PDE1C: variants seen among roughly 807,000 people sequenced by gnomAD.
PDE1C encodes phosphodiesterase 1C.
Under a neutral mutation model 93.1 loss-of-function variants are expected in PDE1C, and 62 were observed. The ratio of observed to expected loss-of-function variants is 0.67; its 90% CI spans 0.54 to 0.82. The LOEUF (loss-of-function observed/expected upper bound fraction) is 0.82, where lower values mean the gene tolerates loss of function less well. Ranked by LOEUF, PDE1C falls within the 40% of genes least tolerant of loss-of-function variation. The pLI, the probability that PDE1C is intolerant of heterozygous loss-of-function variation, is 0.00. For synonymous variants in PDE1C, 325 were observed against 310.1 expected (o/e 1.05, Z -0.50); for missense variants, 742 against 884.6 (o/e 0.84, Z 2.04).
chr7:32,377,230 G>A (rs1023541686), intron 1 of PDE1C, among the ~76,000 whole-genome samples: 1 of 152,194 alleles, frequency 6.6e-6, no homozygotes, highest in Non-Finnish European at 1.5e-5. Flanking sequence ...GTGCCAAGCT[G>A]CATCTCTGGG....
intron 1 of PDE1C, among the ~76,000 whole-genome samples, chr7:32,268,338 G>A (rs1021326290): frequency 6.6e-6 from 1 of 152,182 alleles, no homozygotes; most frequent in African/African-American, 2.4e-5. Context: ...CCCCTTGGCT[G>A]TGAGCAAATC....
intron 1 of PDE1C, among the ~76,000 whole-genome samples, chr7:32,376,449 G>T (rs943947846): frequency 1.3e-5 from 2 of 152,176 alleles, no homozygotes; most frequent in Non-Finnish European, 2.9e-5. Context: ...CACCCACTGG[G>T]ATTGCTGGCA....
chr7:32,348,973 T>A lies in PDE1C; in HGVS notation c.310+78849A>T, dbSNP rs1783906133. Among the ~76,000 whole-genome samples, 3 of 152,268 alleles carry A rather than the reference T, an allele frequency of 2.0e-5. No homozygotes were observed. In the South Asian group the frequency reaches 6.2e-4, roughly 32 times the overall value. On this transcript the variant is annotated intron_variant, in intron 1 of 1. Transcript: ENST00000672256. ...CCTCTTCTCTCACACAACTAAAGCTTTGGATAAGACTGCTCCTTGAAGAAG... is the reference window on the plus strand; with the variant it reads ...CCTCTTCTCTCACACAACTAAAGCTATGGATAAGACTGCTCCTTGAAGAAG...
intron 2 of PDE1C, among the ~76,000 whole-genome samples, chr7:32,195,945 C>G (rs1247105258): frequency 6.6e-6 from 1 of 152,128 alleles, no homozygotes; most frequent in Non-Finnish European, 1.5e-5. Flanking sequence ...TCTACTGACA[C>G]TGTGTATGGA....
chr7:31,801,047 A>G (rs1269679388), intron 16 of PDE1C, among the ~76,000 whole-genome samples: 1 of 151,080 alleles, frequency 6.6e-6, no homozygotes, highest in Non-Finnish European at 1.5e-5. Context: ...TAAAAAAGAA[A>G]AAAAAATCTC....
chr7:32,076,059 C>G (rs1271314132), upstream of PDE1C, among the ~76,000 whole-genome samples: 1 of 152,028 alleles, frequency 6.6e-6, no homozygotes, highest in Non-Finnish European at 1.5e-5. Context: ...TTCACGGACC[C>G]AAAAAAGCTG....
rs374306584 is a variant in PDE1C at position 32,419,487 on chromosome 7, C to T, written c.310+8335G>A. ...AGTGAGCCCTTGGGGTATGGGGTGACCTCATTAGTAGCTTCACAAAAATCC... is the reference window on the plus strand; with the variant it reads ...AGTGAGCCCTTGGGGTATGGGGTGATCTCATTAGTAGCTTCACAAAAATCC... On this transcript the variant is annotated intron_variant, in intron 1 of 1. Transcript: ENST00000672256. Among the ~76,000 whole-genome samples, 17 of 152,242 alleles carry T rather than the reference C, an allele frequency of 1.1e-4. 1 individual carries two copies. Among genetic ancestry groups the T allele is most frequent in the African/African-American group, 3.9e-4 (16 of 41,544 alleles).
Position 32,070,295 on chromosome 7 carries a change from C to T in PDE1C, c.99G>A (p.Gly33=). ...QIEKIWLRLR[G]LRKYKKTSQR... Reference sequence around the variant, plus strand: ...GAGAAGTAAATAGGTATACTTACAGCCCGCGGAGCCGAAGCCAGATTTTCT... The same window carrying T: ...GAGAAGTAAATAGGTATACTTACAGTCCGCGGAGCCGAAGCCAGATTTTCT... Residue 33 remains glycine (G), a splice_region_variant and synonymous_variant, in exon 1 of 18, where the codon GGG becomes GGA. Transcript: ENST00000396191. 6.2e-7 allele frequency: 1 copy of T among 1,614,118 alleles called. No homozygotes were observed. The highest frequency in any genetic ancestry group is 8.5e-7 in the Non-Finnish European group (1 of 1,180,002).
rs1424166709 is a variant in PDE1C, at chr7:32,171,333, G to T, written c.137-1377C>A. On this transcript the variant is annotated intron_variant, in intron 2 of 18. Transcript: ENST00000396193. ...CCCGTGCTCTTCAAAACAGTCAAAG[G>T]TACCAAATACTGCTGAGCCTCCATA... Among the ~76,000 whole-genome samples, 3 of 151,616 alleles carry T rather than the reference G, an allele frequency of 2.0e-5. No homozygotes were observed. In the East Asian group the frequency reaches 5.8e-4, roughly 29 times the overall value.
chr7:32,011,767 G>C (rs1460708109), intron 2 of PDE1C, among the ~76,000 whole-genome samples: 1 of 152,162 alleles, frequency 6.6e-6, no homozygotes, highest in Non-Finnish European at 1.5e-5. Flanking sequence ...AAGTTTGACA[G>C]TTTCTTAAAC....
intron 3 of PDE1C, among the ~76,000 whole-genome samples, chr7:32,154,546 G>C (rs1322629954): frequency 6.6e-6 from 1 of 152,154 alleles, no homozygotes. Flanking sequence ...TTTATGCCTA[G>C]TATTTTTACA....
intron 2 of PDE1C, among the ~76,000 whole-genome samples, chr7:32,182,383 C>T (rs375304806): frequency 0.018 from 2,683 of 152,194 alleles, 36 homozygotes; most frequent in Non-Finnish European, 0.029. Context: ...TGATGAACAT[C>T]GATGCAAAAA....
At chr7:32,023,541 C>T (rs962602019) in intron 2 of PDE1C, among the ~76,000 whole-genome samples, 5 of 151,822 alleles carry the variant, frequency 3.3e-5, no homozygotes, top group Admixed American at 3.3e-4. Context: ...TCCTTCAGGG[C>T]ATGAATCGTA....
intron 3 of PDE1C, chr7:32,169,782 A>G: frequency 1.2e-6 from 2 of 1,612,094 alleles, no homozygotes; most frequent in Non-Finnish European, 1.7e-6. Flanking sequence ...CAATCCACCA[A>G]ACCTGAAGGA....
intron 3 of PDE1C, among the ~76,000 whole-genome samples, chr7:32,103,201 A>G (rs1798120777): frequency 6.6e-6 from 1 of 152,240 alleles, no homozygotes; most frequent in African/African-American, 2.4e-5. Flanking sequence ...AGAAATTTCA[A>G]CAGATATTTG....
chr7:32,374,147 TGAAA>T (rs1482156792), intron 1 of PDE1C, among the ~76,000 whole-genome samples: 37 of 61,834 alleles, frequency 6.0e-4, no homozygotes, highest in Non-Finnish European at 8.1e-4. Context: ...GACGAAAGAA[TGAAA>T]GAAAGAAAGA....
chr7:31,681,433 C>T, the PDE1C span, among the ~76,000 whole-genome samples: 13 of 152,084 alleles, frequency 8.5e-5, no homozygotes, highest in East Asian at 2.3e-3. Context: ...TATTATTTAT[C>T]TTCCTAGATT....
intron 2 of PDE1C, among the ~76,000 whole-genome samples, chr7:31,982,171 G>A (rs115635685): frequency 0.013 from 1,949 of 152,294 alleles, 20 homozygotes; most frequent in African/African-American, 0.019. Flanking sequence ...CCCAGGAATC[G>A]TTCTCAACTG....
intron 9 of PDE1C, among the ~76,000 whole-genome samples, chr7:31,838,855 C>T (rs1791448869): frequency 6.6e-6 from 1 of 151,806 alleles, no homozygotes; most frequent in African/African-American, 2.4e-5. Flanking sequence ...ATCATGATAC[C>T]AAATACTTCC....
Sources: gnomAD v4.1 joint callset for allele counts (sites outside exome capture counted in the v4.1 genomes callset) on GRCh38, gnomAD v4.1.1 for gene constraint, MANE v1.5 for transcripts, NCBI Gene and HGNC (gene_info 2026-07-23, HGNC 2026-07-21) for gene names.